DNASE1L3: variants seen among roughly 807,000 people sequenced by gnomAD.
DNASE1L3 encodes the protein deoxyribonuclease gamma.
A neutral mutation model predicts 30.9 loss-of-function variants in DNASE1L3; 27 were observed. The ratio of observed to expected loss-of-function variants is 0.87; its 90% CI spans 0.64 to 1.20. DNASE1L3 has a LOEUF of 1.20. Among genes scored for constraint, DNASE1L3 ranks in the 50% most tolerant of loss-of-function variants. The pLI is 0.00. For missense variants in DNASE1L3, 364 were observed against 378.2 expected (o/e 0.96, Z 0.31); for synonymous variants, 135 against 138.0 (o/e 0.98, Z 0.15).
chr3:58,192,508 G>A lies in DNASE1L3; in HGVS notation c.*179C>T. 1.7e-6 allele frequency: 1 copy of A among 582,690 alleles called. No individual in the cohort carries two copies. Among genetic ancestry groups the A allele is most frequent in the Non-Finnish European group, 2.8e-6 (1 of 352,264 alleles). 36.1% of individuals were successfully genotyped at this position (582,690 alleles called of 1,614,324 possible). A position where few individuals can be genotyped will look rare whatever the true frequency, so the allele number is the denominator to read the frequency against. ...CTTTTAGACAATTCAGGGGAGGTAT[G>A]AGACCAAGAGAGATACAAAAGATTC... On this transcript the variant is annotated 3_prime_UTR_variant, in exon 8 of 8. Transcript: ENST00000394549. This position sits in a 1 kb window ranked among gnomAD's most constrained non-coding sequence, Gnocchi z 4.8.
chr3:58,208,155 G>C, intron 2 of DNASE1L3, 63 bp downstream of exon 2: 3 of 1,500,822 alleles, frequency 2.0e-6, no homozygotes, highest in Non-Finnish European at 2.8e-6. Context: ...CAGTTCCCAG[G>C]GGTTTTCAGA....
At chr3:58,208,649 A>G (rs2097405637) in intron 1 of DNASE1L3, among the ~76,000 whole-genome samples, 1 of 152,152 alleles carries the variant, frequency 6.6e-6, no homozygotes, top group African/African-American at 2.4e-5. Flanking sequence ...TAATTACAAT[A>G]ATAATAATAA....
At chr3:58,196,936 G>T (rs1389080611) in intron 6 of DNASE1L3, among the ~76,000 whole-genome samples, 2 of 152,226 alleles carry the variant, frequency 1.3e-5, no homozygotes, top group African/African-American at 4.8e-5. Flanking sequence ...TTTTAGGGTT[G>T]CTTCCTGAGG....
intron 4 of DNASE1L3, among the ~76,000 whole-genome samples, chr3:58,202,714 G>T (rs565225248): frequency 8.6e-5 from 13 of 151,954 alleles, no homozygotes; most frequent in Non-Finnish European, 1.2e-4. Context: ...TTAGCTGGGG[G>T]TGGTGGCGCA....
At chr3:58,204,234 T>C (rs1175629130) in intron 4 of DNASE1L3, among the ~76,000 whole-genome samples, 1 of 150,926 alleles carries the variant, frequency 6.6e-6, no homozygotes, top group Non-Finnish European at 1.5e-5. Flanking sequence ...TCTGCCTCCC[T>C]GGTTCAAGTG....
intron 5 of DNASE1L3, among the ~76,000 whole-genome samples, chr3:58,198,359 C>G (rs2097398655): frequency 6.6e-6 from 1 of 152,138 alleles, no homozygotes; most frequent in South Asian, 2.1e-4. Flanking sequence ...GAGAGAGGCC[C>G]CCAAAAGACA....
chr3:58,196,088 A>G (rs943693842), intron 6 of DNASE1L3, among the ~76,000 whole-genome samples: 3 of 152,160 alleles, frequency 2.0e-5, no homozygotes, highest in Admixed American at 6.5e-5. Flanking sequence ...ACCCACGGGC[A>G]CACAACTGCC....
rs1001015664 is a variant in DNASE1L3 at position 58,192,588 on chromosome 3, T to C, written c.*99A>G. 4.0e-6 allele frequency: 5 copies of C among 1,262,924 alleles called. No homozygotes were observed. In the Admixed American group the frequency reaches 1.2e-4, roughly 30 times the overall value. The allele number at this position is 1,262,924 out of a possible 1,614,324, so 78.2% of individuals were successfully genotyped here. A position where few individuals can be genotyped will look rare whatever the true frequency, so the allele number is the denominator to read the frequency against. ...ATTCAGGTCAAAAAATGAAAGCAGT[T>C]GGATCACTCTTGTTTCCTAAGTACA... On this transcript the variant is annotated 3_prime_UTR_variant, in exon 8 of 8. Transcript: ENST00000394549. This position sits in a 1 kb window ranked among gnomAD's most constrained non-coding sequence, Gnocchi z 4.8.
At chr3:58,207,441 ACCCC>A (rs751811685) in intron 2 of DNASE1L3, among the ~76,000 whole-genome samples, 507 of 33,816 alleles carry the variant, frequency 0.015, 13 homozygotes, top group African/African-American at 0.068. Context: ...CTCTGATCAC[ACCCC>A]CCCCCCCCCC....
Position 58,200,769 on chromosome 3 carries a change from G to T in DNASE1L3, c.546+228C>A, listed in dbSNP as rs1203841176. 6.6e-6 allele frequency among the ~76,000 whole-genome samples: 1 copy of T among 152,230 alleles called. No individual in the cohort carries two copies. The highest frequency in any genetic ancestry group is 2.4e-5 in the African/African-American group (1 of 41,460). On this transcript the variant is annotated intron_variant, in intron 5 of 7. Transcript: ENST00000394549. The surrounding 1 kb of genome is among the most constrained non-coding windows in gnomAD (Gnocchi z 4.2). ...ATTCACTCAGTAAATGTTGGCATCT[G>T]TTATTAATGGGAAAGTGTGGCAATT...
At chr3:58,207,222 T>C (rs1253820174) in intron 2 of DNASE1L3, among the ~76,000 whole-genome samples, 3 of 151,846 alleles carry the variant, frequency 2.0e-5, no homozygotes, top group African/African-American at 7.3e-5. Flanking sequence ...AATACAAAAA[T>C]TAGCTAGGCA....
At chr3:58,198,085 T>G (rs766477076) in intron 5 of DNASE1L3, 107 bp from the exon 6 acceptor site, 3 of 1,287,518 alleles carry the variant, frequency 2.3e-6, no homozygotes, top group Admixed American at 2.6e-5. Flanking sequence ...AACAACAGGG[T>G]CTGTTATGGG....
Position 58,200,970 on chromosome 3 carries a change from GA to G in DNASE1L3, c.546+26del. ...ACCAGAGCCTGCCCCTGCTAGATGGGAATTCGTCTGACACAGCAGTCCTCAC... is the reference window on the plus strand; with the variant it reads ...ACCAGAGCCTGCCCCTGCTAGATGGGATTCGTCTGACACAGCAGTCCTCAC... On this transcript the variant is annotated intron_variant, in intron 5 of 7. Coordinates refer to ENST00000394549, the MANE Select transcript of DNASE1L3 (RefSeq NM_004944.4). The surrounding 1 kb of genome is among the most constrained non-coding windows in gnomAD (Gnocchi z 4.2). 1 of 1,590,160 alleles carries G rather than the reference GA, an allele frequency of 6.3e-7. No individual in the cohort carries two copies. The highest frequency in any genetic ancestry group is 8.6e-7 in the Non-Finnish European group (1 of 1,161,906).
Position 58,210,868 on chromosome 3 carries a change from G to C in DNASE1L3, c.39C>G (p.Leu13=), listed in dbSNP as rs753718510. The C allele has an allele frequency of 6.2e-7, 1 of 1,614,124 alleles. No homozygotes were observed. Among genetic ancestry groups the C allele is most frequent in the Admixed American group, 1.7e-5 (1 of 60,028 alleles). Residue 13 remains leucine (L), a synonymous_variant, in exon 1 of 8, where the codon CTC becomes CTG. Transcript: ENST00000394549. ...RELAPLLLLL[L]SIHSALAMRI... The stretch of plus-strand genomic sequence containing the variant: ...TCATGGCCAGGGCGCTGTGGATGGA[G>C]AGGAGGAGAAGCAGCAGTGGGGCCA...
Position 58,196,605 on chromosome 3 carries a change from C to G in DNASE1L3, c.704+1216G>C, listed in dbSNP as rs909425597. Among the ~76,000 whole-genome samples, 14 of 150,326 alleles carry G rather than the reference C, an allele frequency of 9.3e-5. No homozygotes were observed. In the East Asian group the frequency reaches 2.5e-3, roughly 27 times the overall value. On this transcript the variant is annotated intron_variant, in intron 6 of 7. Coordinates refer to ENST00000394549, the MANE Select transcript of DNASE1L3 (RefSeq NM_004944.4). ...CCGAGAGGAAGTGAAAACGAGTGGC[C>G]TGGTGGCTCTCATGCAGATGGCCAT... is the stretch of plus-strand genomic sequence containing the variant.
chr3:58,198,960 A>G (rs2097398988), intron 5 of DNASE1L3, among the ~76,000 whole-genome samples: 1 of 152,174 alleles, frequency 6.6e-6, no homozygotes, highest in Non-Finnish European at 1.5e-5. Flanking sequence ...CTATCTTGGA[A>G]ATATTTTTCC....
rs140634718 is a variant in DNASE1L3 at position 58,204,691 on chromosome 3, T to A, written c.433+78A>T. 9.7e-4 allele frequency: 1,178 copies of A among 1,218,186 alleles called. 1 individual carries two copies. Among genetic ancestry groups the A allele is most frequent in the Non-Finnish European group, 1.3e-3 (1,061 of 837,490 alleles). The allele number at this position is 1,218,186 out of a possible 1,614,324, so 75.5% of individuals were successfully genotyped here. A position where few individuals can be genotyped will look rare whatever the true frequency, so the allele number is the denominator to read the frequency against. On this transcript the variant is annotated intron_variant, in intron 4 of 7. Transcript: ENST00000394549. Reference sequence around the variant, plus strand: ...CACATCCAGCCTAATGCCTCCTTAATGGGCTCATGCTCAAGGCTGCTGCGC... The same window carrying A: ...CACATCCAGCCTAATGCCTCCTTAAAGGGCTCATGCTCAAGGCTGCTGCGC...
intron 4 of DNASE1L3, among the ~76,000 whole-genome samples, chr3:58,204,012 T>A (rs2097402330): frequency 6.6e-6 from 1 of 152,062 alleles, no homozygotes; most frequent in African/African-American, 2.4e-5. Flanking sequence ...ACAAGTACTG[T>A]TGTTAGAGTT....
In DNASE1L3 at chr3:58,192,885, G is replaced by T; in HGVS notation, c.802-82C>A. 18 of 1,571,112 alleles carry T rather than the reference G, an allele frequency of 1.1e-5. No individual in the cohort carries two copies. The highest frequency in any genetic ancestry group is 1.5e-5 in the Non-Finnish European group (17 of 1,162,220). On this transcript the variant is annotated intron_variant, in intron 7 of 7. Coordinates refer to ENST00000394549, the MANE Select transcript of DNASE1L3 (RefSeq NM_004944.4). This position sits in a 1 kb window ranked among gnomAD's most constrained non-coding sequence, Gnocchi z 4.8. ...TCATTTTAGCGATGAGCAAATTTAG[G>T]ACCAGGGAGGGGAGAGGAAATGCCC...
Sources: gnomAD v4.1 joint callset for allele counts (sites outside exome capture counted in the v4.1 genomes callset) on GRCh38, gnomAD v4.1.1 for gene constraint, Gnocchi (gnomAD v3.1) non-coding constraint, MANE v1.5 for transcripts, NCBI Gene and HGNC (gene_info 2026-07-23, HGNC 2026-07-21) for gene names.